The following TRPC7 variants were observed in gnomAD, a reference collection of about 807,000 sequenced individuals.
The protein encoded by TRPC7 is short transient receptor potential channel 7.
In TRPC7, 42 loss-of-function variants were observed where a neutral mutation model predicts 90.1. The ratio of observed to expected loss-of-function variants is 0.47; its 90% CI spans 0.36 to 0.60. The LOEUF (loss-of-function observed/expected upper bound fraction) is 0.60. Ranked by LOEUF, TRPC7 falls within the 20% of genes least tolerant of loss-of-function variation. TRPC7 has a pLI of 0.00. For missense variants in TRPC7, 955 were observed against 1,112.3 expected, an observed-to-expected ratio of 0.86 and a Z score of 2.01; for synonymous variants, 451 against 436.3, an observed-to-expected ratio of 1.03 and a Z score of -0.42.
intron 1 of TRPC7, among the ~76,000 whole-genome samples, chr5:136,364,583 G>A (rs927049042): frequency 7.2e-5 from 11 of 152,042 alleles, no homozygotes; most frequent in South Asian, 4.1e-4. Context: ...AATCCATTAC[G>A]CCTCTAAATT....
At chr5:136,310,430 C>T (rs1399734858) in intron 3 of TRPC7, among the ~76,000 whole-genome samples, 2 of 152,162 alleles carry the variant, frequency 1.3e-5, no homozygotes, top group Non-Finnish European at 2.9e-5. Context: ...GTTCCCTTCC[C>T]ATGGTCCTGT....
rs1759985263 is a variant in TRPC7 at position 136,345,699 on chromosome 5, TTTAA to T, written c.780+10905_780+10908del. Among the ~76,000 whole-genome samples, 3 of 152,186 alleles carry T rather than the reference TTTAA, an allele frequency of 2.0e-5. No individual in the cohort carries two copies. In the South Asian group the frequency reaches 6.2e-4, roughly 32 times the overall value. On this transcript the variant is annotated intron_variant, in intron 2 of 11. Transcript: ENST00000513104. Reference sequence around the variant, plus strand: ...CTTTTGCTGTGCTGAAGCTCTTTAGTTTAATTAGATCCCATTTGTCAATTTTGGC... The same window carrying T: ...CTTTTGCTGTGCTGAAGCTCTTTAGTTTAGATCCCATTTGTCAATTTTGGC...
chr5:136,342,873 A>G (rs556284434), intron 2 of TRPC7, among the ~76,000 whole-genome samples: 1 of 152,342 alleles, frequency 6.6e-6, no homozygotes, highest in East Asian at 1.9e-4. Context: ...ACAAAGTCCT[A>G]TGATGAAACT....
At chr5:136,251,957 A>T in intron 5 of TRPC7, 75 bp from the exon 6 acceptor site, 1 of 1,166,632 alleles carries the variant, frequency 8.6e-7, no homozygotes, top group South Asian at 1.3e-5. Flanking sequence ...TCATGGAGGG[A>T]ACCAGAGTAC....
In TRPC7 at chr5:136,300,770, T is replaced by C. The variant is rs796611755; in HGVS notation, c.963+14827A>G. Among the ~76,000 whole-genome samples, 4 of 152,180 alleles carry C rather than the reference T, an allele frequency of 2.6e-5. No individual in the cohort carries two copies. In the South Asian group the frequency reaches 8.3e-4, roughly 32 times the overall value. ...TAGGCTTTTAATCCCAAGGGGCAGT[T>C]ACAGGTACTTAGAGAAGCATTAAAG... On this transcript the variant is annotated intron_variant, in intron 3 of 11. Coordinates refer to ENST00000513104, the MANE Select transcript of TRPC7 (RefSeq NM_020389.3).
At chr5:136,316,432 ATTTAAC>A (rs1227306437) in intron 2 of TRPC7, among the ~76,000 whole-genome samples, 1 of 152,196 alleles carries the variant, frequency 6.6e-6, no homozygotes, top group African/African-American at 2.4e-5. Flanking sequence ...ATCAAATGTA[ATTTAAC>A]TTTAACAGGA....
intron 3 of TRPC7, among the ~76,000 whole-genome samples, chr5:136,290,439 T>G (rs1482350353): frequency 1.3e-5 from 2 of 151,772 alleles, no homozygotes; most frequent in Non-Finnish European, 2.9e-5. Flanking sequence ...TGCAGAGAAG[T>G]CCTTAAAGGA....
chr5:136,266,502 A>G, intron 4 of TRPC7, 66 bp from the exon 5 acceptor site: 1 of 1,401,682 alleles, frequency 7.1e-7, no homozygotes, highest in South Asian at 1.3e-5. Context: ...TTTCTTTATA[A>G]CATCGCTTTC....
chr5:136,333,544 AT>A (rs1406557783), intron 2 of TRPC7, among the ~76,000 whole-genome samples: 1 of 152,186 alleles, frequency 6.6e-6, no homozygotes, highest in Non-Finnish European at 1.5e-5. Flanking sequence ...TCATGGTCTG[AT>A]TTATATTGAC....
At chr5:136,339,401 T>TAACCAGTTTTTTAAATTC in intron 2 of TRPC7, among the ~76,000 whole-genome samples, 1 of 152,362 alleles carries the variant, frequency 6.6e-6, no homozygotes, top group African/African-American at 2.4e-5. Flanking sequence ...AGTTAAATTC[T>TAACCAGTTTTTTAAATTC]AACCAGTCAT....
chr5:136,327,945 G>A (rs1440230109), intron 2 of TRPC7, among the ~76,000 whole-genome samples: 1 of 152,156 alleles, frequency 6.6e-6, no homozygotes, highest in Non-Finnish European at 1.5e-5. Flanking sequence ...ACAATTAATA[G>A]ATGTGAAATA....
At chr5:136,341,560 T>C (rs535638152) in intron 2 of TRPC7, among the ~76,000 whole-genome samples, 12 of 152,162 alleles carry the variant, frequency 7.9e-5, no homozygotes, top group Non-Finnish European at 1.6e-4. Flanking sequence ...GTCTGGGAAT[T>C]GACACTGGGG....
At chr5:136,357,624 G>A (rs963997721) in intron 1 of TRPC7, among the ~76,000 whole-genome samples, 3 of 152,136 alleles carry the variant, frequency 2.0e-5, no homozygotes, top group East Asian at 1.9e-4. Context: ...GGGTGGAGAC[G>A]GGGTGGCAGA....
chr5:136,280,159 AAAACAAAC>A (rs201882030), intron 3 of TRPC7, among the ~76,000 whole-genome samples: 1 of 151,936 alleles, frequency 6.6e-6, no homozygotes, highest in African/African-American at 2.4e-5. Flanking sequence ...GACTCTGTCA[AAAACAAAC>A]AAACAAACAA....
At chr5:136,228,480 C>T (rs2149796064) in intron 8 of TRPC7, among the ~76,000 whole-genome samples, 2 of 146,066 alleles carry the variant, frequency 1.4e-5, no homozygotes, top group South Asian at 4.3e-4. Context: ...TAAATGCTGA[C>T]AGGAAGGATT....
chr5:136,225,452 G>A, intron 9 of TRPC7, 98 bp from the exon 10 acceptor site: 2 of 1,182,894 alleles, frequency 1.7e-6, no homozygotes, highest in Non-Finnish European at 2.4e-6. Context: ...ATACGGGGCT[G>A]TCTCAGTGAA....
At chr5:136,343,036 A>G (rs1248446876) in intron 2 of TRPC7, among the ~76,000 whole-genome samples, 4 of 152,214 alleles carry the variant, frequency 2.6e-5, no homozygotes, top group Non-Finnish European at 5.9e-5. Flanking sequence ...AAACTGGGAA[A>G]CTAAACATAC....
At chr5:136,287,961 G>A (rs1016035261) in intron 3 of TRPC7, among the ~76,000 whole-genome samples, 5 of 152,112 alleles carry the variant, frequency 3.3e-5, no homozygotes, top group African/African-American at 1.2e-4. Context: ...GAGACACTGA[G>A]CCAGACTTCA....
intron 6 of TRPC7, among the ~76,000 whole-genome samples, chr5:136,249,331 G>A (rs1050030363): frequency 2.0e-5 from 3 of 152,184 alleles, no homozygotes; most frequent in African/African-American, 7.2e-5. Flanking sequence ...AAAGTTTCAT[G>A]GAGTGATTCT....
Sources: allele counts gnomAD v4.1 joint callset (sites outside exome capture counted in the v4.1 genomes callset), GRCh38; gene constraint gnomAD v4.1.1; transcripts MANE v1.5; gene names NCBI Gene and HGNC (gene_info 2026-07-23, HGNC 2026-07-21).